BCORL1: variants seen among roughly 807,000 people sequenced by gnomAD.
The protein encoded by BCORL1 is BCL-6 corepressor-like protein 1.
BCORL1 carries 7 observed loss-of-function variants against 87.6 expected under a neutral mutation model. That is an observed-to-expected ratio of 0.08 (90% CI 0.05 to 0.15). The LOEUF (loss-of-function observed/expected upper bound fraction) is 0.15. Ranked by LOEUF, BCORL1 falls within the 10% of genes least tolerant of loss-of-function variation. BCORL1 has a pLI of 1.00. For missense variants in BCORL1, 1,215 were observed against 1,499.7 expected (o/e 0.81, Z 3.13); for synonymous variants, 591 against 634.4 (o/e 0.93, Z 1.03).
chrX:129,990,996 C>T lies in BCORL1; in HGVS notation c.-45+8234C>T, dbSNP rs957712362. On this transcript the variant is annotated intron_variant, in intron 1 of 13. Coordinates refer to ENST00000540052, the MANE Select transcript of BCORL1 (RefSeq NM_001379451.1). ...TGTTGCCCAGGTTAGAGTGCAGTGG[C>T]GTGATCTCGGCTTACTGCAACCTCC... is the stretch of plus-strand genomic sequence containing the variant. Among the ~76,000 whole-genome samples, 23 of 111,890 alleles carry T rather than the reference C, an allele frequency of 2.1e-4. No homozygotes were observed. The Admixed American group carries it at 2.1e-3, about 10-fold the overall frequency.
intron 11 of BCORL1, among the ~76,000 whole-genome samples, chrX:130,043,774 ATATATATATATTTT>A (rs1485109658): frequency 5.0e-5 from 1 of 20,156 alleles, no homozygotes; most frequent in Non-Finnish European, 7.3e-5. Context: ...ATATATATAT[ATATATATATATTTT>A]TTTTTTTTTT....
At chrX:130,011,235 G>GGTT (rs201544340) in intron 2 of BCORL1, among the ~76,000 whole-genome samples, 4 of 107,879 alleles carry the variant, frequency 3.7e-5, no homozygotes, top group South Asian at 4.1e-4. Context: ...AGTTTTTTTT[G>GGTT]GTTGTTGTTG....
Position 130,025,199 on chromosome X carries a change from G to A in BCORL1, c.3898G>A (p.Glu1300Lys). Residue 1300 changes from glutamate (E) to lysine (K), a missense_variant, in exon 7 of 14, where the codon GAA becomes AAA. Coordinates refer to ENST00000540052, the MANE Select transcript of BCORL1 (RefSeq NM_001379451.1). ...QGRRHLWRAR[E>K]MPWRTEAARQ... is the part of the protein sequence containing the mutation. ...CCGAAGGCACCTGTGGCGAGCCCGA[G>A]AAATGCCCTGGAGGACAGAGGCTGC... The A allele has an allele frequency of 8.3e-7, 1 of 1,211,774 alleles. No homozygotes were observed.
chrX:130,024,857 G>A (rs756682123), intron 6 of BCORL1, 133 bp from the exon 7 acceptor site: 156 of 944,859 alleles, frequency 1.7e-4, no homozygotes, highest in Middle Eastern at 4.0e-4. Flanking sequence ...TTTCCCGAAC[G>A]GTACAGCTAA....
chrX:130,027,047 C>T (rs1930287763), intron 7 of BCORL1, among the ~76,000 whole-genome samples: 1 of 113,331 alleles, frequency 8.8e-6, no homozygotes, highest in African/African-American at 3.2e-5. Flanking sequence ...CACTCACACA[C>T]CTGCCACCTC....
chrX:129,997,402 G>T (rs964547955), intron 1 of BCORL1, among the ~76,000 whole-genome samples: 25 of 111,025 alleles, frequency 2.3e-4, no homozygotes, highest in African/African-American at 7.9e-4. Flanking sequence ...TTGTCTTCTA[G>T]TGTGTTCTAT....
chrX:130,010,358 GGTCTCGCTTTTGTGGTCTCTTAGGA>G (rs1928848949), intron 2 of BCORL1: 3 of 111,926 alleles, frequency 2.7e-5, no homozygotes, highest in African/African-American at 9.7e-5. Context: ...GCTGGGCATA[GGTCTCGCTTTTGTGGTCTCTTAGGA>G]GTTGATGTGA....
chrX:130,006,159 A>ATAG (rs1491572227), intron 2 of BCORL1, among the ~76,000 whole-genome samples: 2 of 111,106 alleles, frequency 1.8e-5, no homozygotes, highest in Non-Finnish European at 3.8e-5. Context: ...ACCGCCTAGC[A>ATAG]TAGTCTTGAG....
chrX:130,000,469 C>T (rs980405369), intron 1 of BCORL1, among the ~76,000 whole-genome samples: 2 of 112,250 alleles, frequency 1.8e-5, no homozygotes, highest in African/African-American at 6.5e-5. Flanking sequence ...ACATAACTGT[C>T]TTCATAATGT....
Position 130,013,052 on chromosome X carries a change from G to A in BCORL1, c.280G>A (p.Asp94Asn), listed in dbSNP as rs139887979. The A allele has an allele frequency of 6.5e-4, 784 of 1,209,618 alleles. 1 individual carries two copies. Among genetic ancestry groups the A allele is most frequent in the Middle Eastern group, 5.7e-3 (25 of 4,351 alleles). Residue 94 changes from aspartate (D) to asparagine (N), a missense_variant, in exon 4 of 14, where the codon GAT becomes AAT. Transcript: ENST00000540052. ...GCACAAGTCAGAAGACAAGCCTGAC[G>A]ATCCCCAGCCAAAAATGGACTACGC... ...LGHKSEDKPD[D>N]PQPKMDYAGN...
chrX:130,054,233 G>A (rs1415032151), intron 13 of BCORL1, among the ~76,000 whole-genome samples: 1 of 112,343 alleles, frequency 8.9e-6, no homozygotes, highest in Non-Finnish European at 1.9e-5. Context: ...AGTCCACCCT[G>A]AGCCCCCATT....
At chrX:130,002,281 C>T (rs1928107767) in intron 1 of BCORL1, among the ~76,000 whole-genome samples, 1 of 109,917 alleles carries the variant, frequency 9.1e-6, no homozygotes, top group Non-Finnish European at 1.9e-5. Context: ...GCTGGAAATT[C>T]TGGTCTGGGC....
intron 1 of BCORL1, among the ~76,000 whole-genome samples, chrX:129,995,026 G>C (rs762648297): frequency 1.6e-4 from 18 of 109,571 alleles, no homozygotes; most frequent in African/African-American, 5.3e-4. Context: ...TTTTTTCCAA[G>C]ACAGAGTCTC....
intron 1 of BCORL1, among the ~76,000 whole-genome samples, chrX:129,986,842 AAAAC>A (rs1177001705): frequency 8.9e-6 from 1 of 111,954 alleles, no homozygotes; most frequent in East Asian, 2.8e-4. Context: ...AAAAAACAAA[AAAAC>A]AAAAAAAGAA....
At chrX:130,054,784 G>A (rs1209252458) in intron 13 of BCORL1, among the ~76,000 whole-genome samples, 11 of 110,952 alleles carry the variant, frequency 9.9e-5, no homozygotes, top group African/African-American at 3.6e-4. Flanking sequence ...GGTCGTGGGT[G>A]CCTGTAATCC....
chrX:129,992,800 T>C (rs991116234), intron 1 of BCORL1, among the ~76,000 whole-genome samples: 1 of 111,342 alleles, frequency 9.0e-6, no homozygotes, highest in Non-Finnish European at 1.9e-5. Context: ...TTAAGTGATC[T>C]GTCTGCCTCG....
intron 1 of BCORL1, among the ~76,000 whole-genome samples, chrX:130,003,768 G>A (rs147396507): frequency 1.9e-3 from 211 of 111,957 alleles, no homozygotes; most frequent in Non-Finnish European, 3.7e-3. Flanking sequence ...ATCCCCCTGG[G>A]ATGTAAGCTC....
chrX:130,037,468 C>G lies in BCORL1; in HGVS notation c.4629C>G (p.Thr1543=), dbSNP rs1231666495. The change falls in exon 10 of 14, where the codon ACC becomes ACG. Residue 1543 remains threonine, a synonymous_variant. Coordinates refer to ENST00000540052, the MANE Select transcript of BCORL1 (RefSeq NM_001379451.1). ...ATGAGGCTTGTTCCCGGGGCTGGACCGACATCCTGAACATCCTGCTGGAGC... is the reference window on the plus strand; with the variant it reads ...ATGAGGCTTGTTCCCGGGGCTGGACGGACATCCTGAACATCCTGCTGGAGC... ...ALHEACSRGW[T]DILNILLEHG... 7 of 1,211,634 alleles carry G rather than the reference C, an allele frequency of 5.8e-6. No individual in the cohort carries two copies. The highest frequency in any genetic ancestry group is 7.8e-6 in the Non-Finnish European group (7 of 895,461).
At chrX:130,041,375 G>C (rs1212696981) in intron 11 of BCORL1, among the ~76,000 whole-genome samples, 1 of 109,775 alleles carries the variant, frequency 9.1e-6, no homozygotes, top group African/African-American at 3.3e-5. Context: ...GCTATCTTTT[G>C]GTTTTGTTTT....
Sources: allele counts gnomAD v4.1 joint callset (sites outside exome capture counted in the v4.1 genomes callset), GRCh38; gene constraint gnomAD v4.1.1; transcripts MANE v1.5; gene names NCBI Gene and HGNC (gene_info 2026-07-23, HGNC 2026-07-21).